The following LCLAT1 variants were observed in gnomAD, a reference collection of about 807,000 sequenced individuals.
LCLAT1 encodes 1-AGP acyltransferase 8.
A neutral mutation model predicts 30.7 loss-of-function variants in LCLAT1; 11 were observed. The ratio of observed to expected loss-of-function variants is 0.36; its 90% CI spans 0.23 to 0.59. The LOEUF (loss-of-function observed/expected upper bound fraction) is 0.59, where lower values mean the gene tolerates loss of function less well. Among genes scored for constraint, LCLAT1 ranks in the 20% least tolerant of loss-of-function variants. The probability of loss-of-function intolerance (pLI) is 0.77; values close to 1 mark genes in which losing one functional copy is unlikely to be tolerated. For synonymous variants in LCLAT1, 155 were observed against 151.3 expected (o/e 1.02, Z -0.18); for missense variants, 402 against 458.6 (o/e 0.88, Z 1.13).
At chr2:30,571,474 G>C (rs970959930) in intron 5 of LCLAT1, among the ~76,000 whole-genome samples, 1 of 152,174 alleles carries the variant, frequency 6.6e-6, no homozygotes, top group South Asian at 2.1e-4. Context: ...AGCATTGTTC[G>C]ACTATTTTAA....
At chr2:30,473,417 A>C (rs947218300) in intron 1 of LCLAT1, among the ~76,000 whole-genome samples, 1 of 152,152 alleles carries the variant, frequency 6.6e-6, no homozygotes, top group South Asian at 2.1e-4. Flanking sequence ...GTAAGCTTAA[A>C]AGCCACCTGA....
chr2:30,552,040 TG>T (rs934830183), intron 3 of LCLAT1, among the ~76,000 whole-genome samples: 2 of 152,190 alleles, frequency 1.3e-5, no homozygotes, highest in African/African-American at 4.8e-5. Context: ...GGACATCTTT[TG>T]GGGGATGATT....
At chr2:30,454,957 C>T (rs1202505405) in intron 1 of LCLAT1, among the ~76,000 whole-genome samples, 1 of 152,166 alleles carries the variant, frequency 6.6e-6, no homozygotes, top group African/African-American at 2.4e-5. Flanking sequence ...TTTAGCTTCT[C>T]TTTCCTTCAG....
rs1421064459 is a variant in LCLAT1 at position 30,643,976 on chromosome 2, G to C, written c.*3357G>C. On this transcript the variant is annotated 3_prime_UTR_variant, in exon 6 of 6. Transcript: ENST00000379509. ...TATTTATGCTGTAGAAAACGAAAATGGTTTTGCTACCTGATAAGCTTCAGA... is the reference window on the plus strand; with the variant it reads ...TATTTATGCTGTAGAAAACGAAAATCGTTTTGCTACCTGATAAGCTTCAGA... 1.3e-5 allele frequency: 2 copies of C among 152,414 alleles called. No homozygotes were observed. The highest frequency in any genetic ancestry group is 4.8e-5 in the African/African-American group (2 of 41,412). 9.4% of individuals were successfully genotyped at this position (152,414 alleles called of 1,614,324 possible). A position where few individuals can be genotyped will look rare whatever the true frequency, so the allele number is the denominator to read the frequency against.
chr2:30,561,163 G>A (rs1184654604), intron 3 of LCLAT1, among the ~76,000 whole-genome samples: 2 of 151,980 alleles, frequency 1.3e-5, no homozygotes, highest in South Asian at 2.1e-4. Flanking sequence ...GGCTGGTCTC[G>A]AACTCCTGAC....
chr2:30,494,000 C>T (rs1683972284), intron 1 of LCLAT1, among the ~76,000 whole-genome samples: 1 of 151,552 alleles, frequency 6.6e-6, no homozygotes, highest in South Asian at 2.1e-4. Flanking sequence ...TACAGTCAGT[C>T]CAATAACTAA....
At chr2:30,471,834 T>A (rs1682811070) in intron 1 of LCLAT1, among the ~76,000 whole-genome samples, 1 of 152,226 alleles carries the variant, frequency 6.6e-6, no homozygotes, top group Non-Finnish European at 1.5e-5. Context: ...TTCTTCCTTC[T>A]GATTTGGATG....
intron 1 of LCLAT1, among the ~76,000 whole-genome samples, chr2:30,467,328 C>T (rs200489487): frequency 3.0e-4 from 43 of 144,460 alleles, no homozygotes; most frequent in South Asian, 1.1e-3. Context: ...TTTTCTTAAT[C>T]CAGTTTATCA....
intron 5 of LCLAT1, among the ~76,000 whole-genome samples, chr2:30,603,690 C>G (rs372286462): frequency 6.6e-6 from 1 of 151,902 alleles, no homozygotes; most frequent in South Asian, 2.1e-4. Context: ...AATAGAATCT[C>G]CAGGATTATT....
chr2:30,529,032 A>G (rs1685869194), intron 2 of LCLAT1, among the ~76,000 whole-genome samples: 1 of 152,174 alleles, frequency 6.6e-6, no homozygotes, highest in Non-Finnish European at 1.5e-5. Context: ...ATAATAAAAT[A>G]TATTCTTTTT....
At chr2:30,579,044 A>G (rs1429213272) in intron 5 of LCLAT1, among the ~76,000 whole-genome samples, 1 of 152,108 alleles carries the variant, frequency 6.6e-6, no homozygotes, top group Non-Finnish European at 1.5e-5. Context: ...ACTTAAATTC[A>G]TTAGAAAGGG....
chr2:30,463,177 A>G (rs1232357823), intron 1 of LCLAT1, among the ~76,000 whole-genome samples: 1 of 151,976 alleles, frequency 6.6e-6, no homozygotes, highest in African/African-American at 2.4e-5. Context: ...TATGAAGAAC[A>G]GATCAGAATT....
At position 30,469,906 on chromosome 2, in the gene LCLAT1, T is replaced by C. The variant is rs539790525; in HGVS notation, c.-5+22523T>C. On this transcript the variant is annotated intron_variant, in intron 1 of 5. Transcript: ENST00000379509. ...CTGCACCTGGCCCTAATTTTTGTATTTTTTAGTAGAGATGGCGTTTCGCTG... is the reference window on the plus strand; with the variant it reads ...CTGCACCTGGCCCTAATTTTTGTATCTTTTAGTAGAGATGGCGTTTCGCTG... 2.6e-5 allele frequency among the ~76,000 whole-genome samples: 4 copies of C among 152,162 alleles called. No homozygotes were observed. In the South Asian group the frequency reaches 8.3e-4, roughly 32 times the overall value.
At chr2:30,568,318 C>A in intron 5 of LCLAT1, 142 bp downstream of exon 5, 1 of 517,306 alleles carries the variant, frequency 1.9e-6, no homozygotes, top group Non-Finnish European at 3.5e-6. Context: ...TCCAAGTTGG[C>A]CTATGTACTA....
At chr2:30,516,044 C>G (rs982432728) in intron 1 of LCLAT1, among the ~76,000 whole-genome samples, 5 of 152,118 alleles carry the variant, frequency 3.3e-5, no homozygotes, top group African/African-American at 1.2e-4. Flanking sequence ...AAATATGGGG[C>G]TTGTAACTCA....
chr2:30,599,947 C>T (rs970552850), intron 5 of LCLAT1, among the ~76,000 whole-genome samples: 2 of 152,180 alleles, frequency 1.3e-5, no homozygotes, highest in Non-Finnish European at 2.9e-5. Context: ...GAATTCGACC[C>T]TGTCATCATA....
chr2:30,529,273 A>G lies in LCLAT1; in HGVS notation c.165+3518A>G, dbSNP rs534696030. Among the ~76,000 whole-genome samples the G allele has an allele frequency of 5.5e-4, 84 of 152,270 alleles. 2 individuals carry two copies. The South Asian group carries it at 0.017, about 30-fold the overall frequency. On this transcript the variant is annotated intron_variant, in intron 2 of 5. Coordinates refer to ENST00000379509, the MANE Select transcript of LCLAT1 (RefSeq NM_001002257.3). ...TTGGCAAGATTTTTCTTGTCTTACT[A>G]TTTTTAAGGAGCACATTTCTGTGCT...
chr2:30,620,354 C>G (rs1425379455), intron 5 of LCLAT1, among the ~76,000 whole-genome samples: 1 of 152,158 alleles, frequency 6.6e-6, no homozygotes, highest in African/African-American at 2.4e-5. Flanking sequence ...GCCCAGAACT[C>G]TTCATTTTCA....
At chr2:30,633,403 A>T (rs909529454) in intron 5 of LCLAT1, among the ~76,000 whole-genome samples, 2 of 152,210 alleles carry the variant, frequency 1.3e-5, no homozygotes, top group African/African-American at 4.8e-5. Flanking sequence ...AATAAGTTAC[A>T]TGTCGCCGGG....
Sources: gnomAD v4.1 joint callset for allele counts (sites outside exome capture counted in the v4.1 genomes callset) on GRCh38, gnomAD v4.1.1 for gene constraint, MANE v1.5 for transcripts, NCBI Gene and HGNC (gene_info 2026-07-23, HGNC 2026-07-21) for gene names.